The following ZFHX3 variants were observed in gnomAD, a reference collection of about 807,000 sequenced individuals.
ZFHX3 encodes zinc finger homeobox 3.
ZFHX3 carries 42 observed loss-of-function variants against 279.1 expected under a neutral mutation model. That is an observed-to-expected ratio of 0.15 (90% CI 0.12 to 0.19). The LOEUF (loss-of-function observed/expected upper bound fraction) is 0.19, where lower values mean the gene tolerates loss of function less well. Ranked by LOEUF, ZFHX3 falls within the 10% of genes least tolerant of loss-of-function variation. The probability of loss-of-function intolerance (pLI) is 1.00; values close to 1 mark genes in which losing one functional copy is unlikely to be tolerated. For missense variants in ZFHX3, 4,981 were observed against 4,754.0 expected (o/e 1.05, Z -1.40); for synonymous variants, 2,293 against 1,957.8 (o/e 1.17, Z -4.52).
At chr16:73,488,268 C>T (rs1010879960) in intron 2 of ZFHX3, among the ~76,000 whole-genome samples, 1 of 152,010 alleles carries the variant, frequency 6.6e-6, no homozygotes, top group Non-Finnish European at 1.5e-5. Context: ...TGTTGCAATA[C>T]CAGGGCAGGT....
intron 3 of ZFHX3, among the ~76,000 whole-genome samples, chr16:73,329,929 C>T (rs1159935098): frequency 1.3e-5 from 2 of 152,208 alleles, no homozygotes; most frequent in African/African-American, 4.8e-5. Context: ...AAACAAACGT[C>T]CTCAGTGGGC....
chr16:73,734,286 T>C (rs1388178677), intron 1 of ZFHX3, among the ~76,000 whole-genome samples: 1 of 152,158 alleles, frequency 6.6e-6, no homozygotes, highest in Non-Finnish European at 1.5e-5. Context: ...ATATCTCAAA[T>C]TGCCAAAGAA....
chr16:73,881,967 C>T (rs2030181909), intron 1 of ZFHX3, among the ~76,000 whole-genome samples: 2 of 152,210 alleles, frequency 1.3e-5, no homozygotes, highest in South Asian at 2.1e-4. Flanking sequence ...GTGGAGTCTG[C>T]CGTCTCTTAG....
At chr16:73,325,516 T>A (rs747628773) in intron 3 of ZFHX3, among the ~76,000 whole-genome samples, 34 of 152,164 alleles carry the variant, frequency 2.2e-4, no homozygotes, top group Non-Finnish European at 3.7e-4. Flanking sequence ...ATGGATCATA[T>A]CCATTCTTAT....
intron 1 of ZFHX3, among the ~76,000 whole-genome samples, chr16:73,773,865 C>A (rs2054047687): frequency 6.6e-6 from 1 of 152,148 alleles, no homozygotes; most frequent in African/African-American, 2.4e-5. Flanking sequence ...AGGCCAGATG[C>A]AGTGGCTCAT....
In ZFHX3 at chr16:73,429,419, G is replaced by A. The variant is rs942684045; in HGVS notation, c.-1291+26584C>T. On this transcript the variant is annotated intron_variant, in intron 3 of 17. Transcript: ENST00000641206. ...GCAATCTCGACTCACTGCAACCTCC[G>A]CCTCCAGGGTTCAGGCAATTCTCCT... 9.2e-5 allele frequency among the ~76,000 whole-genome samples: 14 copies of A among 151,790 alleles called. 1 individual carries two copies. The highest frequency in any genetic ancestry group is 2.9e-5 in the Non-Finnish European group (2 of 67,940).
chr16:72,823,961 AAG>A (rs947431753), intron 5 of ZFHX3, among the ~76,000 whole-genome samples: 2 of 152,176 alleles, frequency 1.3e-5, no homozygotes, highest in African/African-American at 4.8e-5. Flanking sequence ...ACGAAAAAAA[AAG>A]TATTTTTTCA....
chr16:73,083,004 T>G (rs187147835), intron 8 of ZFHX3, among the ~76,000 whole-genome samples: 3,016 of 138,214 alleles, frequency 0.022, 108 homozygotes, highest in African/African-American at 0.083. Flanking sequence ...GCCAACATGG[T>G]GAAACTCCAT....
intron 5 of ZFHX3, among the ~76,000 whole-genome samples, chr16:73,159,375 T>C (rs913863812): frequency 2.0e-5 from 3 of 151,064 alleles, no homozygotes; most frequent in African/African-American, 7.4e-5. Context: ...TCTGGCCATA[T>C]GACTTTTTTT....
intron 3 of ZFHX3, among the ~76,000 whole-genome samples, chr16:73,446,281 A>G (rs1193778522): frequency 6.6e-6 from 1 of 152,152 alleles, no homozygotes; most frequent in Non-Finnish European, 1.5e-5. Flanking sequence ...GGTAATCTAT[A>G]AAGAAAAGAA....
intron 1 of ZFHX3, among the ~76,000 whole-genome samples, chr16:73,724,080 C>A (rs935731791): frequency 6.6e-6 from 1 of 152,154 alleles, no homozygotes; most frequent in Non-Finnish European, 1.5e-5. Flanking sequence ...TATGAGACAG[C>A]CTCCTTCCTA....
chr16:73,487,043 G>A (rs1042719642), intron 2 of ZFHX3: 7 of 335,392 alleles, frequency 2.1e-5, no homozygotes, highest in Non-Finnish European at 3.0e-5. Flanking sequence ...GAACTAAAAC[G>A]ATGGAAAATG....
At chr16:73,105,149 T>C (rs889150420) in intron 7 of ZFHX3, among the ~76,000 whole-genome samples, 2 of 151,884 alleles carry the variant, frequency 1.3e-5, no homozygotes, top group Admixed American at 1.3e-4. Context: ...CTCACGTTTG[T>C]AATCCCAGCA....
intron 5 of ZFHX3, among the ~76,000 whole-genome samples, chr16:73,189,289 C>G (rs893481065): frequency 5.9e-5 from 9 of 152,192 alleles, no homozygotes; most frequent in African/African-American, 1.9e-4. Context: ...CCTTTCCGGG[C>G]ATGCCAAAGG....
At chr16:73,210,807 A>G (rs966452187) in intron 5 of ZFHX3, among the ~76,000 whole-genome samples, 2 of 152,194 alleles carry the variant, frequency 1.3e-5, no homozygotes, top group Non-Finnish European at 2.9e-5. Flanking sequence ...GAAAGAGGAA[A>G]GAGGCAGAAG....
intron 4 of ZFHX3, among the ~76,000 whole-genome samples, chr16:73,277,307 G>A (rs1342666460): frequency 1.3e-5 from 2 of 152,124 alleles, no homozygotes; most frequent in African/African-American, 4.8e-5. Context: ...GTCACCCCGG[G>A]TTTACTTAAT....
chr16:72,794,663 G>A lies in ZFHX3; in HGVS notation c.8019C>T (p.His2673=). 1.2e-6 allele frequency: 2 copies of A among 1,614,128 alleles called. No individual in the cohort carries two copies. Among genetic ancestry groups the A allele is most frequent in the East Asian group, 4.5e-5 (2 of 44,896 alleles). Residue 2673 remains histidine, a synonymous_variant, in exon 9 of 10, where the codon CAC becomes CAT. Coordinates refer to ENST00000268489, the MANE Select transcript of ZFHX3 (RefSeq NM_006885.4). The surrounding 1 kb of genome is among the most constrained non-coding windows in gnomAD (Gnocchi z 4.2). ...DSNPTRKMLD[H]IAHEVGLKKR... is the part of the protein sequence containing the mutation. The stretch of plus-strand genomic sequence containing the variant: ...TCTTCAAGCCCACCTCGTGTGCAAT[G>A]TGATCCAACATCTTTCGAGTCGGAT...
intron 1 of ZFHX3, among the ~76,000 whole-genome samples, chr16:73,867,664 G>C (rs1567434860): frequency 6.6e-6 from 1 of 152,172 alleles, no homozygotes. Context: ...TGTTTAGTAA[G>C]AAGGTATAGT....
At chr16:72,957,285 G>T in intron 2 of ZFHX3, 142 bp downstream of exon 2, 1 of 943,408 alleles carries the variant, frequency 1.1e-6, no homozygotes, top group Non-Finnish European at 1.6e-6. Flanking sequence ...GAGAATACTT[G>T]ATTGTAAGAC....
Sources: gnomAD v4.1 joint callset for allele counts (sites outside exome capture counted in the v4.1 genomes callset) on GRCh38, gnomAD v4.1.1 for gene constraint, Gnocchi (gnomAD v3.1) non-coding constraint, MANE v1.5 for transcripts, NCBI Gene and HGNC (gene_info 2026-07-23, HGNC 2026-07-21) for gene names.